KCNT2: variants seen among roughly 807,000 people sequenced by gnomAD.
KCNT2 encodes potassium channel subfamily T member 2.
A neutral mutation model predicts 153.8 loss-of-function variants in KCNT2; 67 were observed. The observed-to-expected ratio is 0.44, with a 90% CI of 0.36 to 0.53. The LOEUF (loss-of-function observed/expected upper bound fraction) is 0.53. Among genes scored for constraint, KCNT2 ranks in the 20% least tolerant of loss-of-function variants. The pLI is 0.00. For missense variants in KCNT2, 975 were observed against 1,354.8 expected (o/e 0.72, Z 4.40); for synonymous variants, 500 against 458.8 (o/e 1.09, Z -1.15).
At chr1:196,232,983 T>C (rs556261327) in intron 27 of KCNT2, among the ~76,000 whole-genome samples, 151 of 151,470 alleles carry the variant, frequency 1.0e-3, no homozygotes, top group Non-Finnish European at 1.7e-3. Flanking sequence ...GGAATTAATA[T>C]GGGTAGATTA....
chr1:196,508,836 C>G (rs184166555), intron 1 of KCNT2, among the ~76,000 whole-genome samples: 46 of 152,272 alleles, frequency 3.0e-4, no homozygotes, highest in Middle Eastern at 6.8e-3. Context: ...TCAGTGGAGT[C>G]AGCTGCTGCA....
chr1:196,293,961 G>C (rs889870138), intron 22 of KCNT2, among the ~76,000 whole-genome samples: 1 of 151,362 alleles, frequency 6.6e-6, no homozygotes, highest in Non-Finnish European at 1.5e-5. Flanking sequence ...CATTTGATAG[G>C]GGGCTCATAT....
chr1:196,235,742 T>C (rs1654375053), intron 27 of KCNT2, among the ~76,000 whole-genome samples: 2 of 151,424 alleles, frequency 1.3e-5, no homozygotes, highest in Admixed American at 1.3e-4. Flanking sequence ...TTTCCAAATA[T>C]TTTTTAGCTC....
At chr1:196,549,214 T>A (rs1049855323) in intron 1 of KCNT2, among the ~76,000 whole-genome samples, 11 of 151,958 alleles carry the variant, frequency 7.2e-5, no homozygotes, top group African/African-American at 2.7e-4. Flanking sequence ...ATTTTGGCAG[T>A]TTATTTTGTT....
At chr1:196,284,248 A>AAAAAAAAATATAT in intron 23 of KCNT2, among the ~76,000 whole-genome samples, 1 of 10,042 alleles carries the variant, frequency 1.0e-4, no homozygotes, top group African/African-American at 1.4e-4. Flanking sequence ...AAAAAAAAAA[A>AAAAAAAAATATAT]ATATATATAT....
At chr1:196,420,112 T>A (rs1015287925) in intron 12 of KCNT2, among the ~76,000 whole-genome samples, 8 of 152,030 alleles carry the variant, frequency 5.3e-5, no homozygotes, top group Non-Finnish European at 1.0e-4. Flanking sequence ...TTCTTCATTC[T>A]TCAATGTTCT....
chr1:196,367,589 A>T lies in KCNT2; in HGVS notation c.1403+5551T>A, dbSNP rs74725945. Among the ~76,000 whole-genome samples, 917 of 152,316 alleles carry T rather than the reference A, an allele frequency of 6.0e-3. 25 individuals carry two copies. In the East Asian group the frequency reaches 0.097, roughly 16 times the overall value. ...ACTAGAATCAAGCCTACATTTGAAT[A>T]TGTGAAATATATCCTTTATGCAAAA... On this transcript the variant is annotated intron_variant, in intron 14 of 27. Coordinates refer to ENST00000294725, the MANE Select transcript of KCNT2 (RefSeq NM_198503.5).
At chr1:196,493,338 G>A (rs1336396322) in intron 1 of KCNT2, among the ~76,000 whole-genome samples, 2 of 145,422 alleles carry the variant, frequency 1.4e-5, no homozygotes, top group East Asian at 4.0e-4. Context: ...TTTTTTTTGG[G>A]GGGGAGATTT....
At chr1:196,538,352 A>C (rs1478120405) in intron 1 of KCNT2, among the ~76,000 whole-genome samples, 1 of 152,102 alleles carries the variant, frequency 6.6e-6, no homozygotes, top group Non-Finnish European at 1.5e-5. Context: ...GATCCTCTTC[A>C]TGAAATTAAT....
chr1:196,232,805 G>A (rs962589470), intron 27 of KCNT2, among the ~76,000 whole-genome samples: 3 of 151,126 alleles, frequency 2.0e-5, no homozygotes, highest in Admixed American at 6.6e-5. Flanking sequence ...GTCTCAAAAG[G>A]GTGACAACAT....
rs150692655 is a variant in KCNT2 at position 196,325,756 on chromosome 1, A to G, written c.2276+961T>C. Among the ~76,000 whole-genome samples the G allele has an allele frequency of 2.0e-3, 297 of 152,270 alleles. 1 individual carries two copies. Among genetic ancestry groups the G allele is most frequent in the African/African-American group, 7.0e-3 (292 of 41,582 alleles). On this transcript the variant is annotated intron_variant, in intron 19 of 27. Coordinates refer to ENST00000294725, the MANE Select transcript of KCNT2 (RefSeq NM_198503.5). Reference sequence around the variant, plus strand: ...TGAAAATTCTTCAAATGAAAATTCTACAAGTGTGATAAATTTTTGGAGTTG... The same window carrying G: ...TGAAAATTCTTCAAATGAAAATTCTGCAAGTGTGATAAATTTTTGGAGTTG...
In KCNT2 at chr1:196,319,423, C is replaced by T; in HGVS notation, c.2348+61G>A. On this transcript the variant is annotated intron_variant, in intron 20 of 27. Coordinates refer to ENST00000294725, the MANE Select transcript of KCNT2 (RefSeq NM_198503.5). The stretch of plus-strand genomic sequence containing the variant: ...ACACTCATCATGCAGTAACAAGGCA[C>T]AGCACATGACAAACCACAGGACACT... 1.8e-6 allele frequency: 2 copies of T among 1,100,258 alleles called. 1 individual carries two copies. Among genetic ancestry groups the T allele is most frequent in the South Asian group, 2.8e-5 (2 of 71,940 alleles). 68.2% of individuals were successfully genotyped at this position (1,100,258 alleles called of 1,614,324 possible). A position where few individuals can be genotyped will look rare whatever the true frequency, so the allele number is the denominator to read the frequency against.
intron 2 of KCNT2, 69 bp downstream of exon 2, chr1:196,492,193 G>T (rs1403670476): frequency 1.5e-6 from 2 of 1,328,100 alleles, no homozygotes; most frequent in African/African-American, 3.1e-5. Flanking sequence ...TTTTGCAAAA[G>T]ATCACACAGT....
At chr1:196,339,219 AAG>A (rs932295200) in intron 16 of KCNT2, among the ~76,000 whole-genome samples, 2 of 152,092 alleles carry the variant, frequency 1.3e-5, no homozygotes, top group African/African-American at 4.8e-5. Flanking sequence ...AGCAGAAAAA[AAG>A]GCATTAGAGT....
At chr1:196,246,619 G>C (rs1321749860) in intron 26 of KCNT2, among the ~76,000 whole-genome samples, 1 of 152,104 alleles carries the variant, frequency 6.6e-6, no homozygotes, top group Non-Finnish European at 1.5e-5. Context: ...AAGTTAAAAA[G>C]TGGAGGATAA....
chr1:196,560,846 G>A (rs538288258), intron 1 of KCNT2, among the ~76,000 whole-genome samples: 19 of 151,942 alleles, frequency 1.3e-4, no homozygotes, highest in African/African-American at 3.6e-4. Flanking sequence ...ATAAAGTCCC[G>A]TACCTAGTTG....
rs374602602 is a variant in KCNT2, at chr1:196,472,533, G to A, written c.385-3465C>T. On this transcript the variant is annotated intron_variant, in intron 5 of 27. Transcript: ENST00000294725. ...ACTTCCAATATTGTATCAATAGCTC[G>A]AACCAATATTTTATCTCTTGAGATT... Among the ~76,000 whole-genome samples the A allele has an allele frequency of 1.5e-4, 23 of 152,094 alleles. No homozygotes were observed. The South Asian group carries it at 3.5e-3, about 23-fold the overall frequency.
At chr1:196,318,553 T>A (rs1662962431) in intron 20 of KCNT2, among the ~76,000 whole-genome samples, 2 of 151,802 alleles carry the variant, frequency 1.3e-5, no homozygotes, top group Admixed American at 1.3e-4. Flanking sequence ...AGAACACTAT[T>A]ACCTCAAAAG....
chr1:196,464,506 G>A (rs1169618698), intron 8 of KCNT2, among the ~76,000 whole-genome samples: 5 of 151,840 alleles, frequency 3.3e-5, no homozygotes, highest in African/African-American at 9.7e-5. Flanking sequence ...AGTTGTACTA[G>A]TGTATGTGTG....
Sources: allele counts gnomAD v4.1 joint callset (sites outside exome capture counted in the v4.1 genomes callset), GRCh38; gene constraint gnomAD v4.1.1; transcripts MANE v1.5; gene names NCBI Gene and HGNC (gene_info 2026-07-23, HGNC 2026-07-21).